Variants in PLAGL1 observed in about 807,000 individuals in gnomAD.
PLAGL1 encodes the protein zinc finger protein PLAGL1.
PLAGL1 carries 1 observed loss-of-function variant against 4.6 expected under a neutral mutation model. The observed-to-expected ratio is 0.22, with a 90% CI of 0.08 to 1.03. The LOEUF is 1.03. PLAGL1 is among the 50% of genes least tolerant of loss of function. The pLI is 0.58. For synonymous variants in PLAGL1, 240 were observed against 237.8 expected (o/e 1.01, Z -0.08); for missense variants, 464 against 570.4 (o/e 0.81, Z 1.90).
rs1201376227 is a variant in PLAGL1 at position 144,064,275 on chromosome 6, G to T, written c.-151+193C>A. 6.6e-6 allele frequency among the ~76,000 whole-genome samples: 1 copy of T among 152,130 alleles called. No individual in the cohort carries two copies. Among genetic ancestry groups the T allele is most frequent in the African/African-American group, 2.4e-5 (1 of 41,434 alleles). ...GTCCCAAGCACCGACCGCCATCCCC[G>T]GCAGGACGCAGGCAGGAGCCTCGGC... On this transcript the variant is annotated intron_variant, in intron 1 of 3. Transcript: ENST00000437412. This position sits in a 1 kb window ranked among gnomAD's most constrained non-coding sequence, Gnocchi z 6.8.
chr6:144,005,750 T>C lies in PLAGL1; in HGVS notation c.-584+2340A>G, dbSNP rs1483123335. Reference sequence around the variant, plus strand: ...AATTTCTGCAATGATGGAAATATTCTGTTCTATAATGTATAATGTAAAATA... The same window carrying C: ...AATTTCTGCAATGATGGAAATATTCCGTTCTATAATGTATAATGTAAAATA... On this transcript the variant is annotated intron_variant, in intron 1 of 7. Coordinates refer to ENST00000674357, the MANE Select transcript of PLAGL1 (RefSeq NM_001317162.2). This position sits in a 1 kb window ranked among gnomAD's most constrained non-coding sequence, Gnocchi z 4.6. The C allele has an allele frequency of 1.3e-5, 2 of 151,982 alleles. No individual in the cohort carries two copies. The highest frequency in any genetic ancestry group is 3.8e-4 in the East Asian group (2 of 5,204). The allele number at this position is 151,982 out of a possible 1,614,324, so 9.4% of individuals were successfully genotyped here. A position where few individuals can be genotyped will look rare whatever the true frequency, so the allele number is the denominator to read the frequency against.
intron 7 of PLAGL1, among the ~76,000 whole-genome samples, chr6:143,943,568 T>C (rs1400070271): frequency 1.3e-5 from 2 of 151,816 alleles, no homozygotes; most frequent in African/African-American, 4.9e-5. Flanking sequence ...AATGCTTGAC[T>C]ATCAGCTCTT....
intron 1 of PLAGL1, among the ~76,000 whole-genome samples, chr6:144,032,273 A>G (rs1469083334): frequency 7.0e-6 from 1 of 142,014 alleles, no homozygotes; most frequent in East Asian, 2.1e-4. Context: ...GGCATGTGCC[A>G]CCACACCTGG....
In PLAGL1 at chr6:144,064,360, T is replaced by G. The variant is rs1455199660; in HGVS notation, c.-151+108A>C. On this transcript the variant is annotated intron_variant, in intron 1 of 3. Coordinates refer to the PLAGL1 transcript ENST00000437412. This position sits in a 1 kb window ranked among gnomAD's most constrained non-coding sequence, Gnocchi z 6.8. ...GCACGTGGGCACCTGCGGCACGGGT[T>G]GGAGCCCCCGCCCCACGCGCCCACC... is the stretch of plus-strand genomic sequence containing the variant. The G allele has an allele frequency of 2.0e-5, 3 of 151,908 alleles. No individual in the cohort carries two copies. Among genetic ancestry groups the G allele is most frequent in the Non-Finnish European group, 4.4e-5 (3 of 67,972 alleles). 9.4% of individuals were successfully genotyped at this position (151,908 alleles called of 1,614,324 possible).
Position 143,979,885 on chromosome 6 carries a change from T to C in PLAGL1, c.-544+5250A>G, listed in dbSNP as rs775018985. 6.6e-6 allele frequency among the ~76,000 whole-genome samples: 1 copy of C among 152,110 alleles called. No individual in the cohort carries two copies. Among genetic ancestry groups the C allele is most frequent in the Non-Finnish European group, 1.5e-5 (1 of 67,960 alleles). On this transcript the variant is annotated intron_variant, in intron 2 of 7. Coordinates refer to ENST00000674357, the MANE Select transcript of PLAGL1 (RefSeq NM_001317162.2). The surrounding 1 kb of genome is among the most constrained non-coding windows in gnomAD (Gnocchi z 4.6). ...ACACTGTGGGTCTACTGGTGATTAATTCTTTCAGCTTTAGTACATCTGAAA... is the reference window on the plus strand; with the variant it reads ...ACACTGTGGGTCTACTGGTGATTAACTCTTTCAGCTTTAGTACATCTGAAA...
At chr6:144,043,493 T>A (rs145366855) in intron 1 of PLAGL1, among the ~76,000 whole-genome samples, 229 of 152,240 alleles carry the variant, frequency 1.5e-3, no homozygotes, top group African/African-American at 5.2e-3. Context: ...ATTTGCATAT[T>A]TTGAATCAGC....
rs1049631209 is a variant in PLAGL1, at chr6:144,048,456, A to T, written c.-151+16012T>A. Among the ~76,000 whole-genome samples the T allele has an allele frequency of 1.3e-5, 2 of 152,192 alleles. No individual in the cohort carries two copies. The highest frequency in any genetic ancestry group is 2.9e-5 in the Non-Finnish European group (2 of 68,032). On this transcript the variant is annotated intron_variant, in intron 1 of 3. Coordinates refer to the PLAGL1 transcript ENST00000437412. The surrounding 1 kb of genome is among the most constrained non-coding windows in gnomAD (Gnocchi z 4.8). The stretch of plus-strand genomic sequence containing the variant: ...GAGACTTCTGCCTGGACATTCAGGC[A>T]TTTCCATACATCCTTTGAAGTCTAG...
chr6:144,062,162 G>T (rs1024888511), intron 1 of PLAGL1, among the ~76,000 whole-genome samples: 3 of 152,080 alleles, frequency 2.0e-5, no homozygotes, highest in African/African-American at 7.2e-5. Flanking sequence ...CAGATCACGA[G>T]GTCATGAGAT....
chr6:143,950,647 TC>T lies in PLAGL1; in HGVS notation c.-324-2188del, dbSNP rs1240872201. Among the ~76,000 whole-genome samples the T allele has an allele frequency of 6.6e-6, 1 of 152,220 alleles. No individual in the cohort carries two copies. Among genetic ancestry groups the T allele is most frequent in the African/African-American group, 2.4e-5 (1 of 41,454 alleles). On this transcript the variant is annotated intron_variant, in intron 6 of 7. Coordinates refer to ENST00000674357, the MANE Select transcript of PLAGL1 (RefSeq NM_001317162.2). The surrounding 1 kb of genome is among the most constrained non-coding windows in gnomAD (Gnocchi z 6.3). ...GAACTCAAAATAGCACTCGTCCCAC[TC>T]GCCCCTTCAGAGAAGGAGCTGCTTT...
At chr6:144,033,008 T>C (rs1796945863) in intron 1 of PLAGL1, among the ~76,000 whole-genome samples, 1 of 152,206 alleles carries the variant, frequency 6.6e-6, no homozygotes, top group South Asian at 2.1e-4. Context: ...CCACATGCTA[T>C]TATGGACACA....
rs922519123 is a variant in PLAGL1 at position 144,016,284 on chromosome 6, G to A, written c.-150-47306C>T. Among the ~76,000 whole-genome samples the A allele has an allele frequency of 2.6e-5, 4 of 152,274 alleles. No individual in the cohort carries two copies. The highest frequency in any genetic ancestry group is 9.6e-5 in the African/African-American group (4 of 41,548). ...AGAGGGCAGGAAGCATCCAGCATGG[G>A]AGAAAGATGTAGGCTGGGAGGCTAG... On this transcript the variant is annotated intron_variant, in intron 1 of 3. Transcript: ENST00000437412. This position sits in a 1 kb window ranked among gnomAD's most constrained non-coding sequence, Gnocchi z 4.2.
In PLAGL1 at chr6:143,957,348, T is replaced by C. The variant is rs1463798017; in HGVS notation, c.-325+3121A>G. Among the ~76,000 whole-genome samples the C allele has an allele frequency of 6.6e-6, 1 of 152,112 alleles. No homozygotes were observed. The highest frequency in any genetic ancestry group is 1.5e-5 in the Non-Finnish European group (1 of 68,010). On this transcript the variant is annotated intron_variant, in intron 6 of 7. Coordinates refer to ENST00000674357, the MANE Select transcript of PLAGL1 (RefSeq NM_001317162.2). This position sits in a 1 kb window ranked among gnomAD's most constrained non-coding sequence, Gnocchi z 4.2. ...ACTCCCAAAATCCAGACAAGAGCCTTTGGTATTAGGGGAAGATTTTCTAAT... is the reference window on the plus strand; with the variant it reads ...ACTCCCAAAATCCAGACAAGAGCCTCTGGTATTAGGGGAAGATTTTCTAAT...
intron 1 of PLAGL1, among the ~76,000 whole-genome samples, chr6:144,025,068 A>G (rs983405835): frequency 1.3e-5 from 2 of 152,180 alleles, no homozygotes; most frequent in African/African-American, 4.8e-5. Context: ...TGACTTTGCC[A>G]TGGAGAAACC....
upstream of PLAGL1, among the ~76,000 whole-genome samples, chr6:144,011,132 GCACACCAAAAGAAA>G (rs1352645855): frequency 6.6e-6 from 1 of 152,134 alleles, no homozygotes; most frequent in Non-Finnish European, 1.5e-5. This position sits in a 1 kb window ranked among gnomAD's most constrained non-coding sequence, Gnocchi z 4.3. Flanking sequence ...AAGAGCTTCT[GCACACCAAAAGAAA>G]CTATCATCAG....
intron 1 of PLAGL1, among the ~76,000 whole-genome samples, chr6:144,049,868 T>TA (rs1489121945): frequency 1.3e-5 from 2 of 152,194 alleles, no homozygotes; most frequent in East Asian, 3.8e-4. Flanking sequence ...CCAAGGTTTT[T>TA]ATCCTTCGTG....
chr6:144,025,829 G>T (rs1176901410), intron 1 of PLAGL1, among the ~76,000 whole-genome samples: 1 of 152,054 alleles, frequency 6.6e-6, no homozygotes, highest in Non-Finnish European at 1.5e-5. Context: ...GGAGGTGGAG[G>T]TTGCAGTGAG....
chr6:144,032,905 C>T (rs1419024072), intron 1 of PLAGL1, among the ~76,000 whole-genome samples: 3 of 152,076 alleles, frequency 2.0e-5, no homozygotes. Context: ...ACTAAGTAAA[C>T]CCTGAGAGGT....
rs981582294 is a variant in PLAGL1 at position 143,984,050 on chromosome 6, T to C, written c.-544+1085A>G. 6.6e-6 allele frequency among the ~76,000 whole-genome samples: 1 copy of C among 152,170 alleles called. No homozygotes were observed. Among genetic ancestry groups the C allele is most frequent in the Admixed American group, 6.6e-5 (1 of 15,264 alleles). ...GGAATAAGGAACAATGATGTATTTT[T>C]ACTTTCCAGATTTTAAATTTTTATG... On this transcript the variant is annotated intron_variant, in intron 2 of 7. Transcript: ENST00000674357. The surrounding 1 kb of genome is among the most constrained non-coding windows in gnomAD (Gnocchi z 5.5).
At chr6:143,996,175 A>C (rs1211601663) in intron 1 of PLAGL1, among the ~76,000 whole-genome samples, 2 of 152,206 alleles carry the variant, frequency 1.3e-5, no homozygotes, top group Non-Finnish European at 2.9e-5. Context: ...AACTTTAACA[A>C]GGTCTGGACA....
Sources: allele counts gnomAD v4.1 joint callset (sites outside exome capture counted in the v4.1 genomes callset), GRCh38; gene constraint gnomAD v4.1.1; non-coding constraint Gnocchi (gnomAD v3.1); transcripts MANE v1.5; gene names NCBI Gene and HGNC (gene_info 2026-07-23, HGNC 2026-07-21).